Variants in MYO15A observed in about 807,000 individuals in gnomAD.
MYO15A encodes the protein myosin XVA, also known as unconventional myosin-XV.
A neutral mutation model predicts 394.6 loss-of-function variants in MYO15A; 308 were observed. The observed-to-expected ratio is 0.78, with a 90% CI of 0.71 to 0.86. The LOEUF is 0.86. Ranked by LOEUF, MYO15A falls within the 40% of genes least tolerant of loss-of-function variation. The pLI, the probability that MYO15A is intolerant of heterozygous loss-of-function variation, is 0.00. For synonymous variants in MYO15A, 1,957 were observed against 2,003.8 expected, an observed-to-expected ratio of 0.98 and a Z score of 0.62; for missense variants, 4,606 against 4,799.1, an observed-to-expected ratio of 0.96 and a Z score of 1.19.
chr17:18,135,780 A>G lies in MYO15A; in HGVS notation c.4552A>G (p.Ile1518Val), dbSNP rs747780974. The G allele has an allele frequency of 2.5e-6, 4 of 1,614,116 alleles. No individual in the cohort carries two copies. The highest frequency in any genetic ancestry group is 3.4e-6 in the Non-Finnish European group (4 of 1,180,012). ...EIQAVAELLQ[I>V]SPEGLQKAIT... is the part of the protein sequence containing the mutation. ...CCAGGCCGTGGCAGAGCTGCTGCAG[A>G]TCTCCCCTGAGGGCCTGCAGAAGGC... The change falls in exon 13 of 66, where the codon ATC becomes GTC. Residue 1518 changes from isoleucine to valine, a missense_variant. Physicochemically the swap from Ile to Val is conservative, Grantham distance 29. Around this residue, in one of 2 missense-constraint regions of MYO15A, gnomAD observed 2,776 missense variants for 3,109.3 expected, o/e 0.89. Transcript: ENST00000647165.
rs762335954 is a variant in MYO15A, at chr17:18,162,558, C to T, written c.9518-27C>T. The T allele has an allele frequency of 1.2e-5, 19 of 1,608,144 alleles. No individual in the cohort carries two copies. The East Asian group carries it at 1.8e-4, about 15-fold the overall frequency. ...CCTTTCTCCCACAGTCCACCTTGGG[C>T]GAGGCCTGAACTCCCTGCTTCTGCA... On this transcript the variant is annotated intron_variant, in intron 57 of 65. Coordinates refer to ENST00000647165, the MANE Select transcript of MYO15A (RefSeq NM_016239.4).
intron 57 of MYO15A, among the ~76,000 whole-genome samples, chr17:18,162,190 G>C (rs2046786312): frequency 6.6e-6 from 1 of 152,146 alleles, no homozygotes. Flanking sequence ...GGGAGGCCTG[G>C]GTGAGGGAGG....
In MYO15A at chr17:18,125,198, C is replaced by T. The variant is rs529671809; in HGVS notation, c.3723C>T (p.Asn1241=). ...TCCAGGAAACCACTGTGCTGTCCAA[C>T]CTCAAGATTAGATTTGAACGGAACC... The part of the protein sequence containing the change: ...EDLQETTVLS[N]LKIRFERNLI... Residue 1241 remains asparagine (N), a synonymous_variant, in exon 4 of 66, where the codon AAC becomes AAT. Transcript: ENST00000647165. 8 of 1,614,060 alleles carry T rather than the reference C, an allele frequency of 5.0e-6. No individual in the cohort carries two copies. The South Asian group carries it at 7.7e-5, about 16-fold the overall frequency.
chr17:18,156,975 G>T lies in MYO15A; in HGVS notation c.8623G>T (p.Val2875Leu). ...LKKDSDYVVA[V>L]RNFLPEDPAL... ...CCAGGACTCTGACTACGTGGTCGCT[G>T]TGAGGAACTTCCTGCCTGAGGACCC... Residue 2875 changes from valine (V) to leucine (L), a missense_variant, in exon 49 of 66, where the codon GTG (valine) becomes TTG (leucine). Val to Leu is a conservative substitution (Grantham distance 32). This residue lies in a region of MYO15A where 2,776 missense variants were observed against 3,109.3 expected (regional missense o/e 0.89). Coordinates refer to ENST00000647165, the MANE Select transcript of MYO15A (RefSeq NM_016239.4). 1 of 1,614,204 alleles carries T rather than the reference G, an allele frequency of 6.2e-7. No individual in the cohort carries two copies. The highest frequency in any genetic ancestry group is 8.5e-7 in the Non-Finnish European group (1 of 1,180,040).
At position 18,132,287 on chromosome 17, in the gene MYO15A, G is replaced by A. The variant is rs911264471; in HGVS notation, c.4207-166G>A. Among the ~76,000 whole-genome samples, 17 of 152,184 alleles carry A rather than the reference G, an allele frequency of 1.1e-4. No individual in the cohort carries two copies. Among genetic ancestry groups the A allele is most frequent in the Admixed American group, 6.5e-5 (1 of 15,284 alleles). On this transcript the variant is annotated intron_variant, in intron 10 of 65. Transcript: ENST00000647165. The surrounding 1 kb of genome is among the most constrained non-coding windows in gnomAD (Gnocchi z 4.6). ...GGCACCTCTGCTTCTGCCCTCACCC[G>A]CAGCTGGCACCAGGCTGGGAGCCTC... is the stretch of plus-strand genomic sequence containing the variant.
intron 30 of MYO15A, 85 bp downstream of exon 30, chr17:18,146,192 A>G: frequency 7.3e-7 from 1 of 1,378,810 alleles, no homozygotes; most frequent in South Asian, 1.2e-5. Context: ...AGGTCAGGCC[A>G]GGAGTCAGAT....
At position 18,110,948 on chromosome 17, in the gene MYO15A, T is replaced by G. The variant is rs113822177; in HGVS notation, c.-220+2124T>G. Among the ~76,000 whole-genome samples the G allele has an allele frequency of 8.9e-4, 136 of 152,378 alleles. 1 individual carries two copies. The highest frequency in any genetic ancestry group is 1.6e-3 in the Non-Finnish European group (111 of 68,036). ...CAGATCTTGGCTCAGGGTTGCGTTG[T>G]CAGCAGAATCTTCCTGGACCTCCAG... On this transcript the variant is annotated intron_variant, in intron 1 of 65. Coordinates refer to ENST00000647165, the MANE Select transcript of MYO15A (RefSeq NM_016239.4).
At position 18,138,877 on chromosome 17, in the gene MYO15A, C is replaced by G. The variant is rs1487052855; in HGVS notation, c.5074C>G (p.Pro1692Ala). The change falls in exon 18 of 66, where the codon CCC becomes GCC. Residue 1692 changes from proline to alanine, a missense_variant. Pro to Ala is a conservative substitution (Grantham distance 27). This residue lies in a region of MYO15A where 2,776 missense variants were observed against 3,109.3 expected (regional missense o/e 0.89). Transcript: ENST00000647165. ...TGGCGCCAACCCGCTCTATTCCAAACCCAAGATGCCGCTGCCTGAGTTCAC... is the reference window on the plus strand; with the variant it reads ...TGGCGCCAACCCGCTCTATTCCAAAGCCAAGATGCCGCTGCCTGAGTTCAC... ...HHGANPLYSK[P>A]KMPLPEFTIK... 1 of 1,613,606 alleles carries G rather than the reference C, an allele frequency of 6.2e-7. No homozygotes were observed. Among genetic ancestry groups the G allele is most frequent in the Non-Finnish European group, 8.5e-7 (1 of 1,179,814 alleles).
At chr17:18,160,500 A>T (rs1287531247) in intron 56 of MYO15A, among the ~76,000 whole-genome samples, 1 of 152,248 alleles carries the variant, frequency 6.6e-6, no homozygotes, top group Non-Finnish European at 1.5e-5. Context: ...TCCCAGAGAA[A>T]GCAAGACTGA....
At position 18,166,419 on chromosome 17, in the gene MYO15A, G is replaced by C; in HGVS notation, c.9846G>C (p.Met3282Ile). 1 of 1,614,082 alleles carries C rather than the reference G, an allele frequency of 6.2e-7. No individual in the cohort carries two copies. The highest frequency in any genetic ancestry group is 8.5e-7 in the Non-Finnish European group (1 of 1,180,026). ...RAYILDVASEMEQVDGGYMLW... is the reference protein window; with the variant it reads ...RAYILDVASEIEQVDGGYMLW... ...ACATCCTGGATGTGGCCTCAGAGAT[G>C]GAGCAGGTGGACGGCGGCTACATGC... The change falls in exon 61 of 66, where the codon ATG becomes ATC. Residue 3282 changes from methionine (M) to isoleucine (I), a missense_variant. Coordinates refer to ENST00000647165, the MANE Select transcript of MYO15A (RefSeq NM_016239.4).
At chr17:18,123,400 G>A (rs757443387) in intron 2 of MYO15A, 1 of 152,372 alleles carries the variant, frequency 6.6e-6, no homozygotes, top group African/African-American at 2.4e-5. Context: ...ATACGTGAGT[G>A]GCTGAATTAT....
In MYO15A at chr17:18,132,521, G is replaced by A; in HGVS notation, c.4275G>A (p.Gln1425=). Residue 1425 remains glutamine, a synonymous_variant, in exon 11 of 66, where the codon CAG becomes CAA. Transcript: ENST00000647165. This position sits in a 1 kb window ranked among gnomAD's most constrained non-coding sequence, Gnocchi z 4.6. ...LLAGLPAQLR[Q]AFSLQEAETY... Reference sequence around the variant, plus strand: ...CCGGGTTGCCTGCCCAGCTCAGGCAGGCCTTTAGCCTGCAAGAGGCTGAGA... The same window carrying A: ...CCGGGTTGCCTGCCCAGCTCAGGCAAGCCTTTAGCCTGCAAGAGGCTGAGA... 6.2e-7 allele frequency: 1 copy of A among 1,613,640 alleles called. No homozygotes were observed. The highest frequency in any genetic ancestry group is 8.5e-7 in the Non-Finnish European group (1 of 1,180,046).
chr17:18,161,419 G>A lies in MYO15A; in HGVS notation c.9489G>A (p.Val3163=), dbSNP rs2046775264. ...HPHLTRFLQD[V]SRTPGLPFQG... ...ACCTCACTCGCTTCCTCCAAGACGTGAGCCGGACCCCAGGCCTGCCCTTTC... is the reference window on the plus strand; with the variant it reads ...ACCTCACTCGCTTCCTCCAAGACGTAAGCCGGACCCCAGGCCTGCCCTTTC... Residue 3163 remains valine, a synonymous_variant, in exon 57 of 66, where the codon GTG becomes GTA. Transcript: ENST00000647165. The A allele has an allele frequency of 2.5e-6, 4 of 1,614,040 alleles. No individual in the cohort carries two copies. Among genetic ancestry groups the A allele is most frequent in the Non-Finnish European group, 3.4e-6 (4 of 1,180,030 alleles).
Position 18,120,700 on chromosome 17 carries a change from C to G in MYO15A, c.1900C>G (p.Arg634Gly), listed in dbSNP as rs2045903724. ...TPIVLRRAQP[R>G]ARSSNDARRP... Reference sequence around the variant, plus strand: ...CATCGTGCTGAGGAGGGCCCAGCCACGCGCTCGCAGCAGCAACGACGCGCG... The same window carrying G: ...CATCGTGCTGAGGAGGGCCCAGCCAGGCGCTCGCAGCAGCAACGACGCGCG... Residue 634 changes from arginine (R) to glycine (G), a missense_variant, in exon 2 of 66, where the codon CGC becomes GGC. Physicochemically the swap from Arg to Gly is moderately radical, Grantham distance 125 (BLOSUM62 -2). This residue lies in a region of MYO15A where 1,830 missense variants were observed against 1,689.7 expected (regional missense o/e 1.08). Transcript: ENST00000647165. 1.2e-5 allele frequency: 18 copies of G among 1,537,910 alleles called. No homozygotes were observed. Among genetic ancestry groups the G allele is most frequent in the Non-Finnish European group, 1.6e-5 (18 of 1,152,004 alleles).
intron 56 of MYO15A, 69 bp downstream of exon 56, chr17:18,160,086 C>T (rs1333054655): frequency 2.8e-6 from 4 of 1,447,748 alleles, no homozygotes; most frequent in African/African-American, 1.4e-5. Flanking sequence ...CCAGTTCAGC[C>T]TCCCACCTCC....
In MYO15A at chr17:18,157,815, C is replaced by T. The variant is rs1347316160; in HGVS notation, c.8882C>T (p.Thr2961Met). The T allele has an allele frequency of 1.9e-6, 3 of 1,599,538 alleles. No homozygotes were observed. The highest frequency in any genetic ancestry group is 1.1e-5 in the South Asian group (1 of 90,916). The change falls in exon 51 of 66, where the codon ACG becomes ATG. Residue 2961 changes from threonine to methionine, a missense_variant. By Grantham distance (81) the Thr-to-Met change is moderately conservative (BLOSUM62 -1). Transcript: ENST00000647165. ...GCCCCCGACTTCCTGCAGCTGCCAA[C>T]GGAGCCAGGCCGCGGCCGAGCAGCC... ...AAAPDFLQLPTEPGRGRAAAV... is the reference protein window; with the variant it reads ...AAAPDFLQLPMEPGRGRAAAV...
chr17:18,151,636 G>A, intron 40 of MYO15A, 109 bp downstream of exon 40: 1 of 1,462,422 alleles, frequency 6.8e-7, no homozygotes, highest in South Asian at 1.2e-5. Flanking sequence ...TCCTGTTAGG[G>A]AGGGAGTTTC....
Position 18,153,847 on chromosome 17 carries a change from A to G in MYO15A, c.8039A>G (p.Asn2680Ser). Reference sequence around the variant, plus strand: ...CGGCTGCACCGCCTCATCAATCCCAACTTCTACGGCTATCAGGACGCCCCC... The same window carrying G: ...CGGCTGCACCGCCTCATCAATCCCAGCTTCTACGGCTATCAGGACGCCCCC... ...QTRLHRLINP[N>S]FYGYQDAPWK... The change falls in exon 43 of 66, where the codon AAC (asparagine) becomes AGC (serine). Residue 2680 changes from asparagine to serine, a missense_variant. By Grantham distance (46) the Asn-to-Ser change is conservative. This residue lies in a region of MYO15A where 2,776 missense variants were observed against 3,109.3 expected (regional missense o/e 0.89). Coordinates refer to ENST00000647165, the MANE Select transcript of MYO15A (RefSeq NM_016239.4). The surrounding 1 kb of genome is among the most constrained non-coding windows in gnomAD (Gnocchi z 4.1). The G allele has an allele frequency of 1.2e-6, 2 of 1,613,478 alleles. No homozygotes were observed. The highest frequency in any genetic ancestry group is 2.2e-5 in the East Asian group (1 of 44,880).
Position 18,154,202 on chromosome 17 carries a change from T to C in MYO15A, c.8148+12T>C, listed in dbSNP as rs1230171600. The C allele has an allele frequency of 6.2e-7, 1 of 1,613,716 alleles. No individual in the cohort carries two copies. The highest frequency in any genetic ancestry group is 1.3e-5 in the African/African-American group (1 of 75,044). On this transcript the variant is annotated intron_variant, in intron 44 of 65. Transcript: ENST00000647165. ...TCCTGTTCCGGCAGGTGAGGTCCTG[T>C]CTCCCCTTTCTGCCTCAGTGAACTC... is the stretch of plus-strand genomic sequence containing the variant.
Sources: allele counts gnomAD v4.1 joint callset (sites outside exome capture counted in the v4.1 genomes callset), GRCh38; gene constraint gnomAD v4.1.1; regional missense constraint gnomAD v4.1.1; non-coding constraint Gnocchi (gnomAD v3.1); transcripts MANE v1.5; gene names NCBI Gene and HGNC (gene_info 2026-07-23, HGNC 2026-07-21).